ANK1: variants seen among roughly 807,000 people sequenced by gnomAD.
The protein encoded by ANK1 is ankyrin-1.
ANK1 carries 51 observed loss-of-function variants against 210.4 expected under a neutral mutation model. That is an observed-to-expected ratio of 0.24 (90% CI 0.19 to 0.31). The LOEUF (loss-of-function observed/expected upper bound fraction) is 0.31, where lower values mean the gene tolerates loss of function less well. Among genes scored for constraint, ANK1 ranks in the 10% least tolerant of loss-of-function variants. ANK1 has a pLI of 1.00. For missense variants in ANK1, 2,051 were observed against 2,504.4 expected, an observed-to-expected ratio of 0.82 and a Z score of 3.86; for synonymous variants, 967 against 1,025.9, an observed-to-expected ratio of 0.94 and a Z score of 1.10.
At position 41,751,350 on chromosome 8, in the gene ANK1, C is replaced by T. The variant is rs556613740; in HGVS notation, c.129+6686G>A. 4.6e-5 allele frequency among the ~76,000 whole-genome samples: 7 copies of T among 152,238 alleles called. No individual in the cohort carries two copies. The South Asian group carries it at 6.2e-4, about 14-fold the overall frequency. ...CCCAATCATGGGTTTTGCCTCACTGCGGCTTGGAGCCCACCAGGAGAGGGA... is the reference window on the plus strand; with the variant it reads ...CCCAATCATGGGTTTTGCCTCACTGTGGCTTGGAGCCCACCAGGAGAGGGA... On this transcript the variant is annotated intron_variant, in intron 2 of 42. Transcript: ENST00000289734.
At chr8:41,842,322 T>C (rs1809087468) in intron 1 of ANK1, among the ~76,000 whole-genome samples, 1 of 151,858 alleles carries the variant, frequency 6.6e-6, no homozygotes, top group African/African-American at 2.4e-5. Context: ...GAAACCCCCG[T>C]CTCTACTAAA....
rs764226906 is a variant in ANK1, at chr8:41,690,271, G to A, written c.4060C>T (p.His1354Tyr). ...RKAMKYEDTQHILCHLNITMP... is the reference protein window; with the variant it reads ...RKAMKYEDTQYILCHLNITMP... ...GTGATGTTCAGGTGGCAGAGAATGTGCTGGGTGTCCTCGTACTTCATCGCC... is the reference window on the plus strand; with the variant it reads ...GTGATGTTCAGGTGGCAGAGAATGTACTGGGTGTCCTCGTACTTCATCGCC... Residue 1354 changes from histidine to tyrosine, a missense_variant, in exon 33 of 43, where the codon CAC (histidine) becomes TAC (tyrosine). By Grantham distance (83) the His-to-Tyr change is moderately conservative (BLOSUM62 2). Around this residue, in one of 6 missense-constraint regions of ANK1, gnomAD observed 1,413 missense variants for 1,707.4 expected, o/e 0.83. Transcript: ENST00000289734. 3.7e-6 allele frequency: 6 copies of A among 1,614,248 alleles called. No homozygotes were observed. The highest frequency in any genetic ancestry group is 5.1e-6 in the Non-Finnish European group (6 of 1,180,052).
At chr8:41,721,423 A>AAGGTGGGC (rs1317658392) in intron 9 of ANK1, among the ~76,000 whole-genome samples, 4 of 152,074 alleles carry the variant, frequency 2.6e-5, no homozygotes, top group Non-Finnish European at 5.9e-5. Context: ...TTGGGAAGCA[A>AAGGTGGGC]AGGTGGGCAG....
Position 41,724,528 on chromosome 8 carries a change from C to A in ANK1, c.639G>T (p.Ala213=). ...CCACGTTGAGGTTCTCGTAGTGAGCCGCAATGTGCAGGGGCGTGAATCCCG... is the reference window on the plus strand; with the variant it reads ...CCACGTTGAGGTTCTCGTAGTGAGCAGCAATGTGCAGGGGCGTGAATCCCG... ...SKTGFTPLHI[A]AHYENLNVAQ... is the part of the protein sequence containing the mutation. Residue 213 remains alanine, a synonymous_variant, in exon 7 of 43, where the codon GCG becomes GCT. Transcript: ENST00000289734. 3 of 1,599,732 alleles carry A rather than the reference C, an allele frequency of 1.9e-6. No homozygotes were observed. The highest frequency in any genetic ancestry group is 4.5e-5 in the East Asian group (2 of 44,450).
chr8:41,720,413 G>C (rs979885612), intron 9 of ANK1, among the ~76,000 whole-genome samples: 1 of 152,086 alleles, frequency 6.6e-6, no homozygotes, highest in African/African-American at 2.4e-5. Context: ...CCTATCAAAT[G>C]CAGTTCAGTT....
At chr8:41,787,484 G>T (rs947893095) in intron 1 of ANK1, among the ~76,000 whole-genome samples, 1 of 152,186 alleles carries the variant, frequency 6.6e-6, no homozygotes, top group African/African-American at 2.4e-5. Context: ...GTAGCTGGGA[G>T]AGATAAGGAA....
At chr8:41,740,185 A>C (rs1334449311) in intron 2 of ANK1, among the ~76,000 whole-genome samples, 3 of 132,622 alleles carry the variant, frequency 2.3e-5, no homozygotes, top group Non-Finnish European at 4.7e-5. Context: ...TTTTAGATGG[A>C]GTTTCACTCT....
intron 1 of ANK1, among the ~76,000 whole-genome samples, chr8:41,877,662 A>G (rs1366960779): frequency 6.6e-6 from 1 of 152,246 alleles, no homozygotes; most frequent in Non-Finnish European, 1.5e-5. Context: ...GGACCATTTC[A>G]GATAGTGAAG....
At chr8:41,702,425 C>T (rs1488138223) in intron 20 of ANK1, among the ~76,000 whole-genome samples, 2 of 152,024 alleles carry the variant, frequency 1.3e-5, no homozygotes, top group Non-Finnish European at 2.9e-5. Context: ...AGGAAATCTC[C>T]CAAGGAGAAG....
chr8:41,815,289 A>G (rs1803137453), intron 1 of ANK1, among the ~76,000 whole-genome samples: 1 of 152,022 alleles, frequency 6.6e-6, no homozygotes, highest in South Asian at 2.1e-4. Flanking sequence ...TCTTTTTTTT[A>G]AGGCAGATCA....
chr8:41,664,188 G>A (rs1356624764), intron 39 of ANK1: 3 of 457,414 alleles, frequency 6.6e-6, no homozygotes, highest in Non-Finnish European at 1.3e-5. Context: ...GACGATCCGG[G>A]TGCAATCCCA....
chr8:41,882,388 C>A (rs763983738), intron 1 of ANK1, among the ~76,000 whole-genome samples: 6 of 152,144 alleles, frequency 3.9e-5, no homozygotes, highest in Non-Finnish European at 5.9e-5. Flanking sequence ...TGACCATCAC[C>A]TTCCTGGGGG....
At chr8:41,675,290 T>C (rs1813774135) in intron 37 of ANK1, among the ~76,000 whole-genome samples, 1 of 152,122 alleles carries the variant, frequency 6.6e-6, no homozygotes, top group Non-Finnish European at 1.5e-5. Flanking sequence ...AGAGATGGGG[T>C]TTCACCCTGT....
intron 1 of ANK1, among the ~76,000 whole-genome samples, chr8:41,818,937 G>A (rs1299098749): frequency 6.6e-6 from 1 of 152,158 alleles, no homozygotes; most frequent in Non-Finnish European, 1.5e-5. Flanking sequence ...GCCCAGACAT[G>A]CCGGCAATGG....
Position 41,810,626 on chromosome 8 carries a change from G to A in ANK1, c.127-52489C>T, listed in dbSNP as rs531086610. 3.9e-5 allele frequency among the ~76,000 whole-genome samples: 6 copies of A among 152,370 alleles called. No homozygotes were observed. In the East Asian group the frequency reaches 1.2e-3, roughly 29 times the overall value. The stretch of plus-strand genomic sequence containing the variant: ...GCATCTCTGAGTCATCCAGAGTGGA[G>A]CCTCTCTTCTGGCGTCCCTGACGGG... On this transcript the variant is annotated intron_variant, in intron 1 of 42. Coordinates refer to the ANK1 transcript ENST00000265709.
At chr8:41,872,855 G>A (rs538411467) in intron 1 of ANK1, among the ~76,000 whole-genome samples, 3 of 152,334 alleles carry the variant, frequency 2.0e-5, no homozygotes, top group East Asian at 1.9e-4. Context: ...AGCCGCCCTC[G>A]CGAGCCACCC....
chr8:41,763,889 C>CTTTTTTGT (rs1841108182), intron 1 of ANK1, among the ~76,000 whole-genome samples: 1 of 57,808 alleles, frequency 1.7e-5, no homozygotes, highest in African/African-American at 7.0e-5. Context: ...TTCTTTTTTT[C>CTTTTTTGT]TTTTTTTTTT....
intron 1 of ANK1, among the ~76,000 whole-genome samples, chr8:41,875,432 G>T (rs976101871): frequency 1.3e-5 from 2 of 152,200 alleles, no homozygotes; most frequent in African/African-American, 4.8e-5. Flanking sequence ...CCACCGGCCT[G>T]CCAAGAGGAG....
At chr8:41,661,833 C>T (rs1060138) in intron 41 of ANK1, 43 bp downstream of exon 41, 1 of 1,614,116 alleles carries the variant, frequency 6.2e-7, no homozygotes. Context: ...TCAATATCGA[C>T]CTCCAGCTCA....
Sources: allele counts gnomAD v4.1 joint callset (sites outside exome capture counted in the v4.1 genomes callset), GRCh38; gene constraint gnomAD v4.1.1; regional missense constraint gnomAD v4.1.1; transcripts MANE v1.5; gene names NCBI Gene and HGNC (gene_info 2026-07-23, HGNC 2026-07-21).